Variants in LOXL3 observed in about 807,000 individuals in gnomAD.
LOXL3 encodes lysyl oxidase like 3.
In LOXL3, 60 loss-of-function variants were observed where a neutral mutation model predicts 91.8. That is an observed-to-expected ratio of 0.65 (90% confidence interval 0.53 to 0.81). The LOEUF is 0.81. LOXL3 is among the 30% of genes least tolerant of loss of function. LOXL3 has a pLI of 0.00. For missense variants in LOXL3, 874 were observed against 1,000.4 expected, an observed-to-expected ratio of 0.87 and a Z score of 1.70; for synonymous variants, 355 against 387.6, an observed-to-expected ratio of 0.92 and a Z score of 0.99.
At chr2:74,555,129 T>A (rs1312642848), upstream of LOXL3, 1 of 1,595,296 alleles carries the variant, frequency 6.3e-7, no homozygotes. The surrounding 1 kb of genome is among the most constrained non-coding windows in gnomAD (Gnocchi z 6.1). Context: ...CCACTCCCTC[T>A]CGAGCACTCT....
rs1242860329 is a variant in LOXL3 at position 74,549,197 on chromosome 2, G to T, written c.692+172C>A. 2 of 688,560 alleles carry T rather than the reference G, an allele frequency of 2.9e-6. No individual in the cohort carries two copies. The highest frequency in any genetic ancestry group is 6.1e-5 in the East Asian group (2 of 32,622). The allele number at this position is 688,560 out of a possible 1,614,324, so 42.7% of individuals were successfully genotyped here. On this transcript the variant is annotated intron_variant, in intron 4 of 13. Coordinates refer to ENST00000264094, the MANE Select transcript of LOXL3 (RefSeq NM_032603.5). This position sits in a 1 kb window ranked among gnomAD's most constrained non-coding sequence, Gnocchi z 5.3. ...GGTACTCCCTTGGGGCACCTTTCGTGGTCCCACAAGATTTCCCAACTCTCC... is the reference window on the plus strand; with the variant it reads ...GGTACTCCCTTGGGGCACCTTTCGTTGTCCCACAAGATTTCCCAACTCTCC...
upstream of LOXL3, chr2:74,555,593 G>T (rs752088037): frequency 4.7e-5 from 76 of 1,614,092 alleles, 1 homozygote; most frequent in South Asian, 8.0e-4. The surrounding 1 kb of genome is among the most constrained non-coding windows in gnomAD (Gnocchi z 6.1). Flanking sequence ...CTGGACTCTG[G>T]CGCCTACCGA....
At chr2:74,543,848 C>A (rs974254745) in intron 4 of LOXL3, among the ~76,000 whole-genome samples, 1 of 142,560 alleles carries the variant, frequency 7.0e-6, no homozygotes, top group South Asian at 2.2e-4. Flanking sequence ...TTGCAGTGAA[C>A]CAAGATTGCA....
chr2:74,548,798 T>C (rs1676776473), intron 4 of LOXL3, among the ~76,000 whole-genome samples: 1 of 151,628 alleles, frequency 6.6e-6, no homozygotes, highest in African/African-American at 2.4e-5. Flanking sequence ...CCAAAAGAGA[T>C]CCTGGGAAAC....
intron 9 of LOXL3, 54 bp from the exon 10 acceptor site, chr2:74,534,828 G>A (rs1675901575): frequency 1.3e-6 from 2 of 1,583,422 alleles, no homozygotes; most frequent in East Asian, 2.3e-5. Context: ...TCACAGAGAG[G>A]GGTGCTTCCA....
Position 74,549,302 on chromosome 2 carries a change from C to A in LOXL3, c.692+67G>T, listed in dbSNP as rs1676831508. 4.7e-6 allele frequency: 7 copies of A among 1,485,522 alleles called. No homozygotes were observed. Among genetic ancestry groups the A allele is most frequent in the Non-Finnish European group, 6.3e-6 (7 of 1,112,920 alleles). The allele number at this position is 1,485,522 out of a possible 1,614,324, so 92.0% of individuals were successfully genotyped here. A position where few individuals can be genotyped will look rare whatever the true frequency, so the allele number is the denominator to read the frequency against. ...GTGCCCCGGACCTGCTCAGATGTCT[C>A]CCAAGGCTATTCATCAGGGAGCACC... On this transcript the variant is annotated intron_variant, in intron 4 of 13. Coordinates refer to ENST00000264094, the MANE Select transcript of LOXL3 (RefSeq NM_032603.5). This position sits in a 1 kb window ranked among gnomAD's most constrained non-coding sequence, Gnocchi z 5.3.
In LOXL3 at chr2:74,549,752, T is replaced by C. The variant is rs1026124431; in HGVS notation, c.478-169A>G. ...TGGCCGCAGTCCGCGGTGTGGACTC[T>C]CTTGCAGCCAGCAGCGCGTGGGATG... is the stretch of plus-strand genomic sequence containing the variant. On this transcript the variant is annotated intron_variant, in intron 3 of 13. Coordinates refer to ENST00000264094, the MANE Select transcript of LOXL3 (RefSeq NM_032603.5). The surrounding 1 kb of genome is among the most constrained non-coding windows in gnomAD (Gnocchi z 5.3). The C allele has an allele frequency of 4.9e-6, 7 of 1,435,496 alleles. No individual in the cohort carries two copies. Among genetic ancestry groups the C allele is most frequent in the Middle Eastern group, 2.6e-4 (1 of 3,896 alleles). 88.9% of individuals were successfully genotyped at this position (1,435,496 alleles called of 1,614,324 possible).
intron 3 of LOXL3, 183 bp downstream of exon 3, chr2:74,550,002 G>A (rs2104443802): frequency 1.0e-6 from 1 of 985,434 alleles, no homozygotes; most frequent in Middle Eastern, 5.2e-4. Flanking sequence ...CCCCTTGAAT[G>A]TGAATGCTAA....
In LOXL3 at chr2:74,532,261, C is replaced by T. The variant is rs908219548; in HGVS notation, c.*1345G>A. On this transcript the variant is annotated 3_prime_UTR_variant, in exon 14 of 14. Transcript: ENST00000264094. Reference sequence around the variant, plus strand: ...TATGAATACTCAGCCAACCTGATTTCCTACTCCCATGTTTTTTATTTATGC... The same window carrying T: ...TATGAATACTCAGCCAACCTGATTTTCTACTCCCATGTTTTTTATTTATGC... 6.6e-6 allele frequency among the ~76,000 whole-genome samples: 1 copy of T among 152,200 alleles called. No homozygotes were observed. Among genetic ancestry groups the T allele is most frequent in the African/African-American group, 2.4e-5 (1 of 41,450 alleles).
At chr2:74,554,642 G>A, upstream of LOXL3, 1 of 1,021,608 alleles carries the variant, frequency 9.8e-7, no homozygotes, top group Non-Finnish European at 1.4e-6. The surrounding 1 kb of genome is among the most constrained non-coding windows in gnomAD (Gnocchi z 4.9). Flanking sequence ...CCCCCCCAGC[G>A]GCTGCCGGCG....
At position 74,533,219 on chromosome 2, in the gene LOXL3, C is replaced by G. The variant is rs1320218838; in HGVS notation, c.*387G>C. ...GAGGTGGGAGGGCTGGATCTTTTCC[C>G]CCACCAAAAGGCTAGAGGTAAAGCT... is the stretch of plus-strand genomic sequence containing the variant. On this transcript the variant is annotated 3_prime_UTR_variant, in exon 14 of 14. Coordinates refer to ENST00000264094, the MANE Select transcript of LOXL3 (RefSeq NM_032603.5). 7 of 573,124 alleles carry G rather than the reference C, an allele frequency of 1.2e-5. No individual in the cohort carries two copies. Among genetic ancestry groups the G allele is most frequent in the Middle Eastern group, 4.6e-4 (1 of 2,196 alleles). 35.5% of individuals were successfully genotyped at this position (573,124 alleles called of 1,614,324 possible).
At position 74,548,302 on chromosome 2, in the gene LOXL3, C is replaced by T. The variant is rs184038057; in HGVS notation, c.692+1067G>A. On this transcript the variant is annotated intron_variant, in intron 4 of 13. Transcript: ENST00000264094. ...TATCAAAACAAATGTAATAGGTAAA[C>T]GTCACCTATACCTGGGTTGGAAAAG... 1.7e-3 allele frequency among the ~76,000 whole-genome samples: 265 copies of T among 152,208 alleles called. 1 individual carries two copies. The highest frequency in any genetic ancestry group is 5.9e-3 in the African/African-American group (244 of 41,514).
In LOXL3 at chr2:74,552,554, C is replaced by A. The variant is rs376297326; in HGVS notation, c.81G>T (p.Pro27=). Residue 27 remains proline, a synonymous_variant, in exon 2 of 14, where the codon CCG becomes CCT. Coordinates refer to ENST00000264094, the MANE Select transcript of LOXL3 (RefSeq NM_032603.5). ...CLLCSSCLGS[P]SPSTGPEKKA... is the part of the protein sequence containing the mutation. The stretch of plus-strand genomic sequence containing the variant: ...TCTTCTCAGGGCCCGTGGAAGGGGA[C>A]GGAGACCCCAAGCACGAACTGCACA... 1.2e-6 allele frequency: 2 copies of A among 1,611,860 alleles called. No homozygotes were observed. The highest frequency in any genetic ancestry group is 1.7e-5 in the Admixed American group (1 of 59,850).
In LOXL3 at chr2:74,552,416, G is replaced by C. The variant is rs1677073530; in HGVS notation, c.219C>G (p.Asp73Glu). ...AGEWGTICDD[D>E]FTLQAAHILC... ...GGATGTGGGCAGCCTGCAGCGTGAA[G>C]TCATCATCGCAGATGGTGCCCCATT... Residue 73 changes from aspartate to glutamate, a missense_variant, in exon 2 of 14, where the codon GAC becomes GAG. Asp to Glu is a conservative substitution (Grantham distance 45, BLOSUM62 2). Transcript: ENST00000264094. 9 of 1,613,698 alleles carry C rather than the reference G, an allele frequency of 5.6e-6. No individual in the cohort carries two copies. The highest frequency in any genetic ancestry group is 1.3e-5 in the African/African-American group (1 of 74,948).
chr2:74,537,275 G>C (rs1018108513), intron 4 of LOXL3, among the ~76,000 whole-genome samples: 1 of 152,222 alleles, frequency 6.6e-6, no homozygotes, highest in Non-Finnish European at 1.5e-5. Context: ...CAGGGAAGGG[G>C]AAACCAGGAC....
chr2:74,542,805 A>C (rs1444820217), intron 4 of LOXL3, among the ~76,000 whole-genome samples: 1 of 151,926 alleles, frequency 6.6e-6, no homozygotes, highest in Admixed American at 6.6e-5. Flanking sequence ...TTGTATTTTT[A>C]GTAGAGACGG....
rs771997565 is a variant in LOXL3, at chr2:74,549,325, A to AC, written c.692+43dup. ...CTCCCAAGGCTATTCATCAGGGAGC[A>AC]CCCCAATCCCGGCCTGCTCCGCCCG... On this transcript the variant is annotated intron_variant, in intron 4 of 13. Coordinates refer to ENST00000264094, the MANE Select transcript of LOXL3 (RefSeq NM_032603.5). The surrounding 1 kb of genome is among the most constrained non-coding windows in gnomAD (Gnocchi z 5.3). 1.2e-4 allele frequency: 185 copies of AC among 1,515,868 alleles called. No individual in the cohort carries two copies. Among genetic ancestry groups the AC allele is most frequent in the Admixed American group, 3.3e-4 (16 of 48,346 alleles). The allele number at this position is 1,515,868 out of a possible 1,614,324, so 93.9% of individuals were successfully genotyped here. A position where few individuals can be genotyped will look rare whatever the true frequency, so the allele number is the denominator to read the frequency against.
chr2:74,549,764 C>G lies in LOXL3; in HGVS notation c.478-181G>C. The G allele has an allele frequency of 1.2e-5, 17 of 1,430,110 alleles. No homozygotes were observed. The highest frequency in any genetic ancestry group is 1.5e-5 in the Non-Finnish European group (16 of 1,093,474). The allele number at this position is 1,430,110 out of a possible 1,614,324, so 88.6% of individuals were successfully genotyped here. The stretch of plus-strand genomic sequence containing the variant: ...GCGGTGTGGACTCTCTTGCAGCCAG[C>G]AGCGCGTGGGATGTGCTGTGCTCCC... On this transcript the variant is annotated intron_variant, in intron 3 of 13. Coordinates refer to ENST00000264094, the MANE Select transcript of LOXL3 (RefSeq NM_032603.5). This position sits in a 1 kb window ranked among gnomAD's most constrained non-coding sequence, Gnocchi z 5.3.
chr2:74,540,237 C>G (rs1165050082), intron 4 of LOXL3, among the ~76,000 whole-genome samples: 1 of 152,130 alleles, frequency 6.6e-6, no homozygotes, highest in East Asian at 1.9e-4. Context: ...GACGGTGCCC[C>G]CATGCCAGCA....
Sources: allele counts gnomAD v4.1 joint callset (sites outside exome capture counted in the v4.1 genomes callset), GRCh38; gene constraint gnomAD v4.1.1; non-coding constraint Gnocchi (gnomAD v3.1); transcripts MANE v1.5; gene names NCBI Gene and HGNC (gene_info 2026-07-23, HGNC 2026-07-21).